ATP6V0E2: variants seen among roughly 807,000 people sequenced by gnomAD.
The protein encoded by ATP6V0E2 is V-type proton ATPase subunit e 2.
Under a neutral mutation model 11.5 loss-of-function variants are expected in ATP6V0E2, and 4 were observed. That is an observed-to-expected ratio of 0.35 (90% confidence interval 0.17 to 0.80). The LOEUF is 0.80. ATP6V0E2 is among the 30% of genes least tolerant of loss of function. ATP6V0E2 has a pLI of 0.53. For synonymous variants in ATP6V0E2, 52 were observed against 51.0 expected, an observed-to-expected ratio of 1.02 and a Z score of -0.09; for missense variants, 93 against 113.5, an observed-to-expected ratio of 0.82 and a Z score of 0.82.
At position 149,874,062 on chromosome 7, in the gene ATP6V0E2, G is replaced by A. The variant is rs757046422; in HGVS notation, c.-4G>A. The A allele has an allele frequency of 5.4e-5, 84 of 1,549,944 alleles. No homozygotes were observed. In the Middle Eastern group the frequency reaches 8.3e-4, roughly 15 times the overall value. The stretch of plus-strand genomic sequence containing the variant: ...CATCCTGCCTGGGCATCCTGCGCCC[G>A]GCCATGACGGCGCACTCATTCGCCC... On this transcript the variant is annotated 5_prime_UTR_variant, in exon 1 of 4. Coordinates refer to ENST00000425642, the MANE Select transcript of ATP6V0E2 (RefSeq NM_145230.4).
chr7:149,878,269 T>C (rs1045071879), intron 2 of ATP6V0E2, among the ~76,000 whole-genome samples: 1 of 152,142 alleles, frequency 6.6e-6, no homozygotes, highest in East Asian at 1.9e-4. Flanking sequence ...CCTTCTCTCA[T>C]AAGAGGAGGT....
In ATP6V0E2 at chr7:149,875,846, C is replaced by T. The variant is rs1803102811; in HGVS notation, c.152+201C>T. The T allele has an allele frequency of 5.9e-6, 4 of 681,550 alleles. No individual in the cohort carries two copies. In the Admixed American group the frequency reaches 8.4e-5, roughly 14 times the overall value. The allele number at this position is 681,550 out of a possible 1,614,324, so 42.2% of individuals were successfully genotyped here. ...AAGTCATGAACCCTGGGCTCTGGAT[C>T]TGGCTCTGCCCCCAGAGTTCTGGCC... is the stretch of plus-strand genomic sequence containing the variant. On this transcript the variant is annotated intron_variant, in intron 2 of 3. Coordinates refer to ENST00000425642, the MANE Select transcript of ATP6V0E2 (RefSeq NM_145230.4).
chr7:149,874,493 G>T, intron 1 of ATP6V0E2: 1 of 294,818 alleles, frequency 3.4e-6, no homozygotes, highest in Non-Finnish European at 6.3e-6. Context: ...GTGACCTAGA[G>T]CCAATATCAA....
At chr7:149,874,833 A>T (rs1387260377) in intron 1 of ATP6V0E2, 1 of 153,158 alleles carries the variant, frequency 6.5e-6, no homozygotes, top group Non-Finnish European at 1.5e-5. Flanking sequence ...TGAAAAAGGG[A>T]TCGCGTGCTC....
At position 149,874,168 on chromosome 7, in the gene ATP6V0E2, G is replaced by C; in HGVS notation, c.103G>C (p.Gly35Arg). The change falls in exon 1 of 4, where the codon GGA becomes CGA. Residue 35 changes from glycine (G) to arginine (R), a missense_variant and splice_region_variant. Gly to Arg is a moderately radical substitution (Grantham distance 125). Coordinates refer to ENST00000425642, the MANE Select transcript of ATP6V0E2 (RefSeq NM_145230.4). ...GTTCGTGCCGAAGGGACCCAACCGC[G>C]GGTAAGGAAAGCGCGCAGGCCCTGC... ...PWFVPKGPNR[G>R]VIITMLVATA... 6.5e-7 allele frequency: 1 copy of C among 1,548,478 alleles called. No homozygotes were observed. Among genetic ancestry groups the C allele is most frequent in the Non-Finnish European group, 8.7e-7 (1 of 1,145,774 alleles).
chr7:149,875,710 C>T, intron 2 of ATP6V0E2, 65 bp downstream of exon 2: 1 of 1,479,112 alleles, frequency 6.8e-7, no homozygotes, highest in East Asian at 2.3e-5. Flanking sequence ...TTCCTCCTCA[C>T]CCTAGCCTGC....
intron 1 of ATP6V0E2, 147 bp downstream of exon 1, chr7:149,874,316 C>G (rs1032865802): frequency 3.7e-6 from 4 of 1,085,282 alleles, no homozygotes; most frequent in Admixed American, 2.9e-5. Flanking sequence ...TCTGAGGTCT[C>G]TCTGCACCTG....
intron 1 of ATP6V0E2, among the ~76,000 whole-genome samples, chr7:149,875,315 A>T (rs1803068094): frequency 6.6e-6 from 1 of 152,218 alleles, no homozygotes; most frequent in Admixed American, 6.5e-5. Context: ...GTCTGCATTA[A>T]GATGGAGCAA....
intron 3 of ATP6V0E2, 83 bp from the exon 4 acceptor site, chr7:149,879,252 G>A: frequency 7.1e-7 from 1 of 1,418,360 alleles, no homozygotes; most frequent in Non-Finnish European, 9.2e-7. Context: ...CTGGGCAGGG[G>A]TGAGGGGGCT....
chr7:149,875,474 CA>C, intron 1 of ATP6V0E2, 123 bp from the exon 2 acceptor site: 3 of 902,090 alleles, frequency 3.3e-6, no homozygotes, highest in Non-Finnish European at 5.6e-6. Flanking sequence ...CTCCTGTGTC[CA>C]GGAGGCATCA....
upstream of ATP6V0E2, chr7:149,873,149 C>G (rs1802925500): frequency 6.6e-6 from 1 of 152,254 alleles, no homozygotes; most frequent in Non-Finnish European, 1.5e-5. Context: ...ATACTAGGTG[C>G]TTTCCACATG....
chr7:149,879,503 A>C lies in ATP6V0E2; in HGVS notation c.*188A>C. 1 of 1,591,166 alleles carries C rather than the reference A, an allele frequency of 6.3e-7. No homozygotes were observed. The highest frequency in any genetic ancestry group is 8.6e-7 in the Non-Finnish European group (1 of 1,168,998). On this transcript the variant is annotated 3_prime_UTR_variant, in exon 4 of 4. Coordinates refer to ENST00000425642, the MANE Select transcript of ATP6V0E2 (RefSeq NM_145230.4). Reference sequence around the variant, plus strand: ...GGAAGTCTTCCCAGTCTTCCCAGCCAGCCCGGGCCCTGGGGAGCCCTGGGC... The same window carrying C: ...GGAAGTCTTCCCAGTCTTCCCAGCCCGCCCGGGCCCTGGGGAGCCCTGGGC...
intron 2 of ATP6V0E2, among the ~76,000 whole-genome samples, chr7:149,876,326 A>G (rs1277413358): frequency 2.0e-5 from 3 of 152,232 alleles, no homozygotes; most frequent in Non-Finnish European, 4.4e-5. Context: ...CGGTGAGCCA[A>G]GATCTTACCA....
Position 149,875,641 on chromosome 7 carries a change from C to G in ATP6V0E2, c.148C>G (p.Leu50Val), listed in dbSNP as rs750236781. 3 of 1,613,674 alleles carry G rather than the reference C, an allele frequency of 1.9e-6. No homozygotes were observed. The highest frequency in any genetic ancestry group is 1.7e-4 in the Middle Eastern group (1 of 6,060). ...GGTCGCCACCGCCGTCTGCTGTTAC[C>G]TCTTGTAAGTACTACTCTCCCCAGC... ...MLVATAVCCY[L>V]FWLIAILAQL... Residue 50 changes from leucine (L) to valine (V), a missense_variant, in exon 2 of 4, where the codon CTC becomes GTC. Transcript: ENST00000425642.
intron 3 of ATP6V0E2, chr7:149,879,112 C>T: frequency 2.1e-6 from 3 of 1,397,794 alleles, no homozygotes; most frequent in Non-Finnish European, 2.8e-6. Context: ...GTGTTGGCCG[C>T]CAGGGATGAA....
upstream of ATP6V0E2, chr7:149,873,437 G>C (rs893332135): frequency 1.3e-5 from 2 of 153,806 alleles, no homozygotes; most frequent in Admixed American, 1.3e-4. Flanking sequence ...CTTTCTGGCT[G>C]CGCCGCCTCC....
intron 3 of ATP6V0E2, 136 bp from the exon 4 acceptor site, chr7:149,879,199 C>T: frequency 7.1e-7 from 1 of 1,400,580 alleles, no homozygotes; most frequent in Non-Finnish European, 9.2e-7. Flanking sequence ...TAACCTGGGC[C>T]CTAACCTGGA....
At chr7:149,873,109 C>G (rs991599001), upstream of ATP6V0E2, 2 of 152,234 alleles carry the variant, frequency 1.3e-5, no homozygotes, top group African/African-American at 4.8e-5. Flanking sequence ...TCTCTTCCAG[C>G]CCTGATGGAA....
Position 149,878,613 on chromosome 7 carries a change from G to C in ATP6V0E2, c.153-65G>C, listed in dbSNP as rs1006072908. 2.1e-5 allele frequency: 31 copies of C among 1,461,456 alleles called. No individual in the cohort carries two copies. The African/African-American group carries it at 3.6e-4, about 17-fold the overall frequency. 90.5% of individuals were successfully genotyped at this position (1,461,456 alleles called of 1,614,324 possible). The stretch of plus-strand genomic sequence containing the variant: ...GCCGCATCCAAAATAATATGACCGA[G>C]GCCTCCCCTGGGTGTGGGAGGACCC... On this transcript the variant is annotated intron_variant, in intron 2 of 3. Transcript: ENST00000425642.
Sources: allele counts gnomAD v4.1 joint callset (sites outside exome capture counted in the v4.1 genomes callset), GRCh38; gene constraint gnomAD v4.1.1; transcripts MANE v1.5; gene names NCBI Gene and HGNC (gene_info 2026-07-23, HGNC 2026-07-21).